Variants in ADAM12 observed in about 807,000 individuals in gnomAD.
ADAM12 encodes ADAM metallopeptidase domain 12, also known as disintegrin and metalloproteinase domain-containing protein 12.
A neutral mutation model predicts 106.4 loss-of-function variants in ADAM12; 70 were observed. That is an observed-to-expected ratio of 0.66 (90% CI 0.54 to 0.80). The LOEUF (loss-of-function observed/expected upper bound fraction) is 0.80, where lower values mean the gene tolerates loss of function less well. Ranked by LOEUF, ADAM12 falls within the 30% of genes least tolerant of loss-of-function variation. ADAM12 has a pLI of 0.00. For synonymous variants in ADAM12, 420 were observed against 433.5 expected, an observed-to-expected ratio of 0.97 and a Z score of 0.39; for missense variants, 1,010 against 1,171.9, an observed-to-expected ratio of 0.86 and a Z score of 2.02.
At chr10:126,343,004 C>T (rs188412559) in intron 1 of ADAM12, among the ~76,000 whole-genome samples, 1 of 152,230 alleles carries the variant, frequency 6.6e-6, no homozygotes, top group East Asian at 1.9e-4. Context: ...AACGACCAGG[C>T]ACTGGCAAGT....
intron 21 of ADAM12, 87 bp from the exon 22 acceptor site, chr10:126,019,912 C>T (rs971107175): frequency 2.8e-6 from 4 of 1,424,906 alleles, no homozygotes; most frequent in South Asian, 1.5e-5. Context: ...TGGCACAGGC[C>T]CTGCTTCCTG....
At chr10:126,249,412 A>C (rs994104615) in intron 3 of ADAM12, among the ~76,000 whole-genome samples, 6 of 152,152 alleles carry the variant, frequency 3.9e-5, no homozygotes, top group Admixed American at 3.9e-4. Flanking sequence ...TAGAAAACCA[A>C]CACCAGGCGG....
At chr10:126,177,578 GACGATGATAGGA>G (rs1287085857) in intron 3 of ADAM12, among the ~76,000 whole-genome samples, 1 of 152,194 alleles carries the variant, frequency 6.6e-6, no homozygotes, top group Non-Finnish European at 1.5e-5. Context: ...GAAGATTTGT[GACGATGATAGGA>G]ATAGATTTTG....
chr10:126,166,089 G>T (rs932120805), intron 3 of ADAM12, among the ~76,000 whole-genome samples: 1 of 152,180 alleles, frequency 6.6e-6, no homozygotes, highest in African/African-American at 2.4e-5. Flanking sequence ...AGCTGTAGGG[G>T]ACAACAAAGT....
intron 3 of ADAM12, among the ~76,000 whole-genome samples, chr10:126,164,210 G>A (rs180708797): frequency 1.4e-4 from 21 of 152,292 alleles, no homozygotes; most frequent in East Asian, 1.9e-4. Context: ...AAGACCATAC[G>A]TATTGTTGGA....
At chr10:126,258,142 T>A (rs1283969244) in intron 3 of ADAM12, among the ~76,000 whole-genome samples, 2 of 152,204 alleles carry the variant, frequency 1.3e-5, no homozygotes, top group African/African-American at 4.8e-5. Context: ...CTGACAATAT[T>A]TAATTGGCCA....
At chr10:126,138,277 C>G (rs1956443097) in intron 4 of ADAM12, among the ~76,000 whole-genome samples, 1 of 152,102 alleles carries the variant, frequency 6.6e-6, no homozygotes, top group African/African-American at 2.4e-5. Flanking sequence ...TAGAAGAGTT[C>G]TTCACATATT....
intron 3 of ADAM12, among the ~76,000 whole-genome samples, chr10:126,220,315 C>G (rs1296587757): frequency 6.6e-6 from 1 of 152,168 alleles, no homozygotes; most frequent in Non-Finnish European, 1.5e-5. Context: ...GGTGCTGATA[C>G]TACAGTCCTG....
intron 3 of ADAM12, among the ~76,000 whole-genome samples, chr10:126,216,208 C>T (rs1034768098): frequency 1.3e-5 from 2 of 152,216 alleles, no homozygotes; most frequent in Non-Finnish European, 2.9e-5. Flanking sequence ...TGCTAAGGGT[C>T]CCAATCCTCA....
At chr10:126,036,615 G>C (rs1275814855) in intron 20 of ADAM12, among the ~76,000 whole-genome samples, 1 of 152,172 alleles carries the variant, frequency 6.6e-6, no homozygotes, top group East Asian at 1.9e-4. Context: ...ACTTGAAAAA[G>C]TACCAAGTAT....
intron 14 of ADAM12, among the ~76,000 whole-genome samples, chr10:126,052,782 G>A (rs1477992363): frequency 6.6e-6 from 1 of 152,180 alleles, no homozygotes; most frequent in Non-Finnish European, 1.5e-5. Context: ...AAGGGCTATC[G>A]TTATGATAGG....
intron 3 of ADAM12, among the ~76,000 whole-genome samples, chr10:126,263,548 C>T (rs1448404385): frequency 6.6e-6 from 1 of 151,222 alleles, no homozygotes; most frequent in Non-Finnish European, 1.5e-5. Context: ...CATTTTTATT[C>T]AATATGAACT....
At chr10:126,351,922 T>C (rs1261323972) in intron 1 of ADAM12, among the ~76,000 whole-genome samples, 2 of 151,964 alleles carry the variant, frequency 1.3e-5, no homozygotes, top group African/African-American at 4.8e-5. Flanking sequence ...TACTCTCGGG[T>C]CACTATAGGA....
intron 14 of ADAM12, among the ~76,000 whole-genome samples, chr10:126,063,451 C>A (rs1954800445): frequency 6.6e-6 from 1 of 152,222 alleles, no homozygotes; most frequent in African/African-American, 2.4e-5. Flanking sequence ...TCATCAATTT[C>A]TGTTCCACTT....
chr10:126,306,744 C>T (rs1960862879), intron 2 of ADAM12, among the ~76,000 whole-genome samples: 1 of 152,164 alleles, frequency 6.6e-6, no homozygotes, highest in Non-Finnish European at 1.5e-5. Context: ...CCAGTCTTAA[C>T]TTTGCTCCTT....
intron 1 of ADAM12, among the ~76,000 whole-genome samples, chr10:126,332,770 T>C (rs1854566853): frequency 6.6e-6 from 1 of 152,006 alleles, no homozygotes; most frequent in African/African-American, 2.4e-5. Context: ...AATCACATGA[T>C]GTGTGAGGGA....
At chr10:126,336,363 G>T (rs1223447196) in intron 1 of ADAM12, among the ~76,000 whole-genome samples, 1 of 152,176 alleles carries the variant, frequency 6.6e-6, no homozygotes, top group Non-Finnish European at 1.5e-5. Flanking sequence ...AAAGGCTCAG[G>T]GATGACTGGT....
chr10:126,166,063 G>A (rs1035892370), intron 3 of ADAM12, among the ~76,000 whole-genome samples: 1 of 152,162 alleles, frequency 6.6e-6, no homozygotes, highest in African/African-American at 2.4e-5. Flanking sequence ...TAAAACTGCT[G>A]ATACAGCATT....
chr10:126,161,443 G>A (rs1227575538), intron 3 of ADAM12, among the ~76,000 whole-genome samples: 1 of 152,202 alleles, frequency 6.6e-6, no homozygotes, highest in East Asian at 1.9e-4. Context: ...ACTGTGTGGC[G>A]CTACCAGACC....
Sources: gnomAD v4.1 joint callset for allele counts (sites outside exome capture counted in the v4.1 genomes callset) on GRCh38, gnomAD v4.1.1 for gene constraint, MANE v1.5 for transcripts, NCBI Gene and HGNC (gene_info 2026-07-23, HGNC 2026-07-21) for gene names.